The following MAGI1 variants were observed in gnomAD, a reference collection of about 807,000 sequenced individuals.
MAGI1 encodes the protein membrane associated guanylate kinase, WW and PDZ domain containing 1.
MAGI1 carries 58 observed loss-of-function variants against 139.9 expected under a neutral mutation model. That is an observed-to-expected ratio of 0.41 (90% CI 0.34 to 0.52). MAGI1 has a LOEUF of 0.52. MAGI1 is among the 20% of genes least tolerant of loss of function. MAGI1 has a pLI of 0.12. For missense variants in MAGI1, 1,874 were observed against 1,901.6 expected (o/e 0.99, Z 0.27); for synonymous variants, 812 against 737.9 (o/e 1.10, Z -1.63).
chr3:66,006,491 A>ATG (rs2067018299), intron 1 of MAGI1, among the ~76,000 whole-genome samples: 2 of 152,184 alleles, frequency 1.3e-5, no homozygotes, highest in Admixed American at 6.5e-5. Flanking sequence ...ATATGTGTGT[A>ATG]TGGGTATGTA....
At chr3:65,359,757 A>C in intron 22 of MAGI1, 1 of 985,664 alleles carries the variant, frequency 1.0e-6, no homozygotes, top group Non-Finnish European at 1.2e-6. Context: ...TATTTAAATG[A>C]TCTTTATTTT....
At chr3:65,614,001 G>A (rs993170237) in intron 2 of MAGI1, among the ~76,000 whole-genome samples, 7 of 152,234 alleles carry the variant, frequency 4.6e-5, no homozygotes, top group Non-Finnish European at 7.4e-5. Flanking sequence ...GGCTGGGTGC[G>A]TCCATACTTC....
chr3:65,654,333 C>A (rs879402684), intron 1 of MAGI1, among the ~76,000 whole-genome samples: 4 of 152,172 alleles, frequency 2.6e-5, no homozygotes, highest in South Asian at 4.1e-4. Context: ...AACGTACACA[C>A]GGAGATATAC....
intron 12 of MAGI1, among the ~76,000 whole-genome samples, chr3:65,418,937 T>G (rs1053124477): frequency 7.9e-5 from 12 of 152,336 alleles, no homozygotes; most frequent in Middle Eastern, 3.4e-3. Context: ...GCTGCTACAA[T>G]GGTCTTGTGA....
At chr3:65,391,394 G>T in intron 13 of MAGI1, 36 bp from the exon 14 acceptor site, 1 of 1,561,554 alleles carries the variant, frequency 6.4e-7, no homozygotes, top group South Asian at 1.1e-5. Flanking sequence ...AAGAAGAAAA[G>T]ATTATTATTG....
intron 3 of MAGI1, among the ~76,000 whole-genome samples, chr3:65,482,533 C>G (rs762733074): frequency 5.9e-5 from 9 of 152,130 alleles, no homozygotes; most frequent in Admixed American, 4.6e-4. Flanking sequence ...AATGGTAGCA[C>G]CAGCTGTAGC....
chr3:65,830,033 C>T (rs970405879), intron 1 of MAGI1, among the ~76,000 whole-genome samples: 2 of 152,132 alleles, frequency 1.3e-5, no homozygotes, highest in East Asian at 1.9e-4. Flanking sequence ...TCCAGACACA[C>T]GTGAGATCAT....
chr3:65,825,716 G>A (rs995585906), intron 1 of MAGI1, among the ~76,000 whole-genome samples: 17 of 152,170 alleles, frequency 1.1e-4, no homozygotes, highest in African/African-American at 2.7e-4. Context: ...TCAGCCAGGC[G>A]CAGTGGCTCA....
intron 1 of MAGI1, among the ~76,000 whole-genome samples, chr3:65,921,476 T>G (rs946304602): frequency 1.3e-5 from 2 of 151,888 alleles, no homozygotes; most frequent in African/African-American, 2.4e-5. Context: ...GCCTGGCTAA[T>G]TTTTGTATTT....
chr3:65,930,125 G>C (rs1252561132), intron 1 of MAGI1, among the ~76,000 whole-genome samples: 1 of 150,988 alleles, frequency 6.6e-6, no homozygotes, highest in African/African-American at 2.4e-5. Context: ...GACCATCCTG[G>C]CTAACACGGT....
At chr3:65,490,858 G>GAAAAAA (rs377381113) in intron 3 of MAGI1, among the ~76,000 whole-genome samples, 1 of 128,336 alleles carries the variant, frequency 7.8e-6, no homozygotes, top group Admixed American at 8.7e-5. Context: ...AAAAAAAAAA[G>GAAAAAA]AAAAAAGAAA....
intron 2 of MAGI1, among the ~76,000 whole-genome samples, chr3:65,529,207 G>A (rs1470279359): frequency 6.6e-6 from 1 of 151,562 alleles, no homozygotes; most frequent in African/African-American, 2.4e-5. Context: ...TCACATTTTG[G>A]TAAAATACAC....
At chr3:66,005,882 A>C (rs1214806689) in intron 1 of MAGI1, among the ~76,000 whole-genome samples, 2 of 152,152 alleles carry the variant, frequency 1.3e-5, no homozygotes, top group Non-Finnish European at 2.9e-5. Flanking sequence ...GGGCTGCAAA[A>C]GGGAATCACC....
chr3:66,024,447 T>C (rs868273895), intron 1 of MAGI1, among the ~76,000 whole-genome samples: 1 of 151,688 alleles, frequency 6.6e-6, no homozygotes, highest in African/African-American at 2.4e-5. Flanking sequence ...GCTTTTCCCA[T>C]TGAACAGAAT....
At position 65,726,588 on chromosome 3, in the gene MAGI1, T is replaced by C. The variant is rs145731264; in HGVS notation, c.314-104500A>G. On this transcript the variant is annotated intron_variant, in intron 1 of 22. Transcript: ENST00000402939. ...AATGCCACCCTCAGTTCATTGGTGA[T>C]ATCTCAAAAATGGCTAGAGAGAATT... Among the ~76,000 whole-genome samples, 553 of 152,312 alleles carry C rather than the reference T, an allele frequency of 3.6e-3. 9 individuals carry two copies. The highest frequency in any genetic ancestry group is 0.013 in the African/African-American group (526 of 41,570).
chr3:65,530,471 G>A (rs532298160), intron 2 of MAGI1, among the ~76,000 whole-genome samples: 23 of 151,428 alleles, frequency 1.5e-4, no homozygotes, highest in Admixed American at 4.0e-4. Flanking sequence ...AAAATTACCC[G>A]GGTGTGGTGG....
chr3:65,358,972 A>C, intron 22 of MAGI1: 1 of 1,155,752 alleles, frequency 8.7e-7, no homozygotes, highest in South Asian at 1.2e-5. Context: ...GCTCAGAATG[A>C]ATTGCCAAAC....
rs555528538 is a variant in MAGI1, at chr3:65,647,901, C to T, written c.314-25813G>A. ...TCAGATTGGGACAGCACAAGGCTCT[C>T]ACCACTGTTGTTCAACAAGGAGCTA... On this transcript the variant is annotated intron_variant, in intron 1 of 22. Coordinates refer to ENST00000402939, the MANE Select transcript of MAGI1 (RefSeq NM_001033057.2). 8.0e-4 allele frequency among the ~76,000 whole-genome samples: 122 copies of T among 152,270 alleles called. 1 individual carries two copies. The highest frequency in any genetic ancestry group is 1.4e-3 in the Non-Finnish European group (95 of 68,028).
At chr3:65,994,408 A>C (rs776982270) in intron 1 of MAGI1, among the ~76,000 whole-genome samples, 1 of 152,136 alleles carries the variant, frequency 6.6e-6, no homozygotes, top group Non-Finnish European at 1.5e-5. Context: ...AGAAATGCTT[A>C]TTAGTATCTC....
Sources: allele counts gnomAD v4.1 joint callset (sites outside exome capture counted in the v4.1 genomes callset), GRCh38; gene constraint gnomAD v4.1.1; transcripts MANE v1.5; gene names NCBI Gene and HGNC (gene_info 2026-07-23, HGNC 2026-07-21).